The following MALRD1 variants were observed in gnomAD, a reference collection of about 807,000 sequenced individuals.
MALRD1 encodes the protein MAM and LDL-receptor class A domain-containing protein 1.
A neutral mutation model predicts 242.1 loss-of-function variants in MALRD1; 247 were observed. The observed-to-expected ratio is 1.02, with a 90% CI of 0.92 to 1.13. The LOEUF (loss-of-function observed/expected upper bound fraction) is 1.13, where lower values mean the gene tolerates loss of function less well. Ranked by LOEUF, MALRD1 falls within the 50% of genes most tolerant of loss-of-function variation. MALRD1 has a pLI of 0.00. For missense variants in MALRD1, 2,989 were observed against 2,533.1 expected, an observed-to-expected ratio of 1.18 and a Z score of -3.86; for synonymous variants, 995 against 866.6, an observed-to-expected ratio of 1.15 and a Z score of -2.60.
At chr10:19,594,658 A>G (rs1431426539) in intron 33 of MALRD1, among the ~76,000 whole-genome samples, 1 of 152,228 alleles carries the variant, frequency 6.6e-6, no homozygotes, top group Non-Finnish European at 1.5e-5. Flanking sequence ...CAGCCATAAA[A>G]AGGAATGAAA....
intron 31 of MALRD1, among the ~76,000 whole-genome samples, chr10:19,500,550 A>AGAGAGTAAACT (rs1837924492): frequency 6.6e-6 from 1 of 152,226 alleles, no homozygotes; most frequent in African/African-American, 2.4e-5. Flanking sequence ...GCAAGAAAAC[A>AGAGAGTAAACT]GAGAGTAAAC....
intron 21 of MALRD1, among the ~76,000 whole-genome samples, chr10:19,315,990 G>T (rs1270531364): frequency 6.7e-6 from 1 of 149,706 alleles, no homozygotes; most frequent in Non-Finnish European, 1.5e-5. Context: ...CCCATTTCAT[G>T]GGTTCATGCC....
intron 38 of MALRD1, among the ~76,000 whole-genome samples, chr10:19,723,419 C>T (rs1177571803): frequency 2.0e-5 from 3 of 151,998 alleles, no homozygotes; most frequent in African/African-American, 7.2e-5. Context: ...TTCCCTTTCA[C>T]TTAAAAAAAT....
intron 14 of MALRD1, among the ~76,000 whole-genome samples, chr10:19,181,161 A>C (rs1433950935): frequency 1.3e-5 from 2 of 152,190 alleles, no homozygotes; most frequent in Non-Finnish European, 2.9e-5. Context: ...AGGTTTCTAA[A>C]GAAATTAGCA....
intron 18 of MALRD1, among the ~76,000 whole-genome samples, chr10:19,238,546 T>TAATATATATTATATAATATAC (rs371075170): frequency 2.5e-5 from 2 of 80,366 alleles, no homozygotes; most frequent in Non-Finnish European, 5.0e-5. Flanking sequence ...ATATATAATA[T>TAATATATATTATATAATATAC]ATAATGTATA....
At chr10:19,141,983 T>C (rs184149677) in intron 10 of MALRD1, among the ~76,000 whole-genome samples, 2,351 of 151,888 alleles carry the variant, frequency 0.015, 65 homozygotes, top group African/African-American at 0.053. Flanking sequence ...CCATCCTTGC[T>C]AACACAGTGA....
At chr10:19,648,414 A>G (rs1032545340) in intron 36 of MALRD1, among the ~76,000 whole-genome samples, 2 of 152,136 alleles carry the variant, frequency 1.3e-5, no homozygotes, top group African/African-American at 4.8e-5. Context: ...GAAAGTTTGG[A>G]GGTTGAGTCC....
intron 34 of MALRD1, among the ~76,000 whole-genome samples, chr10:19,601,025 G>A (rs1231768823): frequency 2.0e-5 from 3 of 151,916 alleles, no homozygotes; most frequent in African/African-American, 7.3e-5. Context: ...GCACAGGCAT[G>A]CTCCACCATG....
chr10:19,140,530 T>C (rs1357879615), intron 10 of MALRD1, among the ~76,000 whole-genome samples: 1 of 124,100 alleles, frequency 8.1e-6, no homozygotes, highest in Non-Finnish European at 1.6e-5. Flanking sequence ...AAGTGGGGTG[T>C]GTGTGTGTGT....
intron 36 of MALRD1, among the ~76,000 whole-genome samples, chr10:19,670,030 TTAAAA>T (rs533604160): frequency 7.7e-4 from 116 of 151,104 alleles, no homozygotes; most frequent in Middle Eastern, 3.4e-3. Context: ...CATAAAATAA[TTAAAA>T]TAAAGTATAA....
intron 2 of MALRD1, among the ~76,000 whole-genome samples, chr10:19,078,950 T>A (rs888227142): frequency 6.6e-6 from 1 of 151,700 alleles, no homozygotes; most frequent in Non-Finnish European, 1.5e-5. Context: ...GTTTTATTGA[T>A]CTTTCCAGGA....
At chr10:19,392,775 A>C (rs2130825653) in intron 28 of MALRD1, among the ~76,000 whole-genome samples, 1 of 152,356 alleles carries the variant, frequency 6.6e-6, no homozygotes, top group African/African-American at 2.4e-5. Context: ...TAAATGAGAA[A>C]AAATAACCTT....
chr10:19,561,783 C>T (rs575084834), intron 32 of MALRD1, among the ~76,000 whole-genome samples: 9 of 151,852 alleles, frequency 5.9e-5, no homozygotes, highest in Admixed American at 1.3e-4. Flanking sequence ...TGGTTATTTC[C>T]CTTCTCCCCC....
chr10:19,469,929 A>G lies in MALRD1; in HGVS notation c.5029+19439A>G, dbSNP rs143736468. ...ACCACACATCCCAAAGTTTCCTCCC[A>G]TCCCCTTTATTGGACTTTTTATGGT... On this transcript the variant is annotated intron_variant, in intron 29 of 39. Coordinates refer to ENST00000454679, the MANE Select transcript of MALRD1 (RefSeq NM_001142308.3). Among the ~76,000 whole-genome samples, 435 of 152,112 alleles carry G rather than the reference A, an allele frequency of 2.9e-3. 4 individuals are homozygous for G. The highest frequency in any genetic ancestry group is 9.7e-3 in the African/African-American group (405 of 41,556).
chr10:19,511,808 G>A (rs1450603102), intron 31 of MALRD1, among the ~76,000 whole-genome samples: 1 of 151,994 alleles, frequency 6.6e-6, no homozygotes, highest in Non-Finnish European at 1.5e-5. Context: ...CTTGATTTTG[G>A]CATTATCTCA....
At chr10:19,693,321 A>G (rs1833198480) in intron 38 of MALRD1, among the ~76,000 whole-genome samples, 1 of 152,040 alleles carries the variant, frequency 6.6e-6, no homozygotes, top group African/African-American at 2.4e-5. Flanking sequence ...TATATCTAGA[A>G]AACCCCATCG....
intron 33 of MALRD1, among the ~76,000 whole-genome samples, chr10:19,586,618 G>A (rs967285272): frequency 3.9e-5 from 6 of 152,200 alleles, no homozygotes; most frequent in Non-Finnish European, 7.3e-5. Context: ...GAGAACCACT[G>A]CTCTCTTCAA....
At chr10:19,536,799 G>T (rs1328640442) in intron 32 of MALRD1, among the ~76,000 whole-genome samples, 2 of 152,042 alleles carry the variant, frequency 1.3e-5, no homozygotes, top group African/African-American at 4.8e-5. Context: ...ACAGAAAACA[G>T]GTAAACAAAC....
chr10:19,100,975 T>C (rs1223677091), intron 4 of MALRD1, among the ~76,000 whole-genome samples: 1 of 152,100 alleles, frequency 6.6e-6, no homozygotes, highest in Non-Finnish European at 1.5e-5. Context: ...AGAATAGATT[T>C]TTACCTACAA....
Sources: gnomAD v4.1 joint callset for allele counts (sites outside exome capture counted in the v4.1 genomes callset) on GRCh38, gnomAD v4.1.1 for gene constraint, MANE v1.5 for transcripts, NCBI Gene and HGNC (gene_info 2026-07-23, HGNC 2026-07-21) for gene names.